ITPR2: variants seen among roughly 807,000 people sequenced by gnomAD.
The protein encoded by ITPR2 is inositol 1,4,5-trisphosphate receptor type 2.
Under a neutral mutation model 317.1 loss-of-function variants are expected in ITPR2, and 207 were observed. The observed-to-expected ratio is 0.65, with a 90% CI of 0.58 to 0.73. The LOEUF (loss-of-function observed/expected upper bound fraction) is 0.73, where lower values mean the gene tolerates loss of function less well. ITPR2 is among the 30% of genes least tolerant of loss of function. ITPR2 has a pLI of 0.00. For missense variants in ITPR2, 2,613 were observed against 3,284.0 expected, an observed-to-expected ratio of 0.80 and a Z score of 4.99; for synonymous variants, 1,156 against 1,149.1, an observed-to-expected ratio of 1.01 and a Z score of -0.12.
chr12:26,547,260 T>C (rs1944410862), intron 37 of ITPR2, among the ~76,000 whole-genome samples: 1 of 152,122 alleles, frequency 6.6e-6, no homozygotes, highest in African/African-American at 2.4e-5. Context: ...TAGATATTTC[T>C]CAAAGGAAGA....
intron 37 of ITPR2, among the ~76,000 whole-genome samples, chr12:26,528,799 T>C (rs1354505144): frequency 6.6e-6 from 1 of 152,242 alleles, no homozygotes; most frequent in Admixed American, 6.5e-5. Context: ...AGTTCTGTAC[T>C]GAACCCATTT....
chr12:26,596,924 C>A lies in ITPR2; in HGVS notation c.4213G>T (p.Asp1405Tyr). The A allele has an allele frequency of 1.3e-6, 2 of 1,586,540 alleles. No homozygotes were observed. Among genetic ancestry groups the A allele is most frequent in the Non-Finnish European group, 1.7e-6 (2 of 1,165,238 alleles). ...IKCNSLLPLD[D>Y]IVRVVTHDDC... ...TCATGGGTCACCACCCTCACTATGT[C>A]GTCCAGCGGGAGAAGGGAATTACAC... is the stretch of plus-strand genomic sequence containing the variant. The change falls in exon 31 of 57, where the codon GAC becomes TAC. Residue 1405 changes from aspartate (D) to tyrosine (Y), a missense_variant. Asp to Tyr is a radical substitution (Grantham distance 160). This residue lies in a region of ITPR2 where 926 missense variants were observed against 1,072.8 expected (regional missense o/e 0.86). Transcript: ENST00000381340.
Position 26,423,501 on chromosome 12 carries a change from A to G in ITPR2, c.6946-4288T>C, listed in dbSNP as rs140805508. ...CAGGTACTATTAGAAAGGAAAAATCATTGTAGGTAAGAAGTTTAAAAGATC... is the reference window on the plus strand; with the variant it reads ...CAGGTACTATTAGAAAGGAAAAATCGTTGTAGGTAAGAAGTTTAAAAGATC... On this transcript the variant is annotated intron_variant, in intron 49 of 56. Transcript: ENST00000381340. 4.3e-4 allele frequency among the ~76,000 whole-genome samples: 65 copies of G among 152,314 alleles called. 1 individual carries two copies. The East Asian group carries it at 0.012, about 28-fold the overall frequency.
chr12:26,557,924 AT>A (rs1944707844), intron 35 of ITPR2, among the ~76,000 whole-genome samples: 1 of 151,978 alleles, frequency 6.6e-6, no homozygotes, highest in Admixed American at 6.6e-5. Flanking sequence ...GCATATTTTT[AT>A]CAAGCAGAAC....
At chr12:26,613,968 A>G (rs1946324585) in intron 26 of ITPR2, among the ~76,000 whole-genome samples, 1 of 152,208 alleles carries the variant, frequency 6.6e-6, no homozygotes, top group Admixed American at 6.5e-5. Flanking sequence ...CAGACCTCAG[A>G]GAAATTCCAC....
chr12:26,655,370 T>G (rs920329372), intron 20 of ITPR2, among the ~76,000 whole-genome samples: 1 of 151,946 alleles, frequency 6.6e-6, no homozygotes, highest in Non-Finnish European at 1.5e-5. Context: ...ATCCCAGCAC[T>G]TTGGGAGGCC....
At chr12:26,383,052 A>C (rs1939556168) in intron 55 of ITPR2, among the ~76,000 whole-genome samples, 1 of 152,058 alleles carries the variant, frequency 6.6e-6, no homozygotes, top group Non-Finnish European at 1.5e-5. Flanking sequence ...ATCTTTTATG[A>C]ATTGTTTGGT....
At chr12:26,420,701 T>C (rs1278047904) in intron 49 of ITPR2, among the ~76,000 whole-genome samples, 3 of 152,152 alleles carry the variant, frequency 2.0e-5, no homozygotes, top group Non-Finnish European at 2.9e-5. Flanking sequence ...TTATTAAGTA[T>C]AGCTGTAGCA....
At chr12:26,525,900 T>C (rs1943798881) in intron 37 of ITPR2, among the ~76,000 whole-genome samples, 1 of 152,216 alleles carries the variant, frequency 6.6e-6, no homozygotes, top group African/African-American at 2.4e-5. Flanking sequence ...TCAGCCACTA[T>C]AATTCAACCC....
chr12:26,802,501 C>G (rs1950572411), intron 1 of ITPR2, among the ~76,000 whole-genome samples: 1 of 148,608 alleles, frequency 6.7e-6, no homozygotes, highest in Non-Finnish European at 1.5e-5. Context: ...ATATACATAT[C>G]CAACTATTTC....
intron 1 of ITPR2, among the ~76,000 whole-genome samples, chr12:26,826,853 C>T (rs1951016053): frequency 6.6e-6 from 1 of 152,174 alleles, no homozygotes; most frequent in African/African-American, 2.4e-5. Flanking sequence ...TTCTACTATC[C>T]CACTATCCCA....
At chr12:26,487,011 C>T (rs1322755785) in intron 40 of ITPR2, 57 bp downstream of exon 40, 31 of 1,416,022 alleles carry the variant, frequency 2.2e-5, no homozygotes, top group African/African-American at 9.9e-5. Flanking sequence ...GAGATTTAAA[C>T]GCTATTCCCC....
At chr12:26,687,580 CT>C (rs1817679006) in intron 10 of ITPR2, among the ~76,000 whole-genome samples, 1 of 152,162 alleles carries the variant, frequency 6.6e-6, no homozygotes, top group Non-Finnish European at 1.5e-5. Flanking sequence ...GATATTACCC[CT>C]GATCATCCCA....
intron 45 of ITPR2, among the ~76,000 whole-genome samples, chr12:26,465,538 G>T (rs1015332193): frequency 6.6e-6 from 1 of 152,212 alleles, no homozygotes; most frequent in East Asian, 1.9e-4. Context: ...TTGCATGCAC[G>T]AATGCTGAGC....
chr12:26,519,818 AAGAG>A (rs1188548339), intron 37 of ITPR2, among the ~76,000 whole-genome samples: 9 of 152,240 alleles, frequency 5.9e-5, no homozygotes, highest in African/African-American at 2.2e-4. Context: ...TTAAAACATA[AAGAG>A]GTTCTCTATG....
At chr12:26,568,018 A>G (rs1945055508) in intron 34 of ITPR2, among the ~76,000 whole-genome samples, 1 of 122,412 alleles carries the variant, frequency 8.2e-6, no homozygotes, top group Non-Finnish European at 1.6e-5. Context: ...ATATATATAT[A>G]TATATATATA....
rs1332077700 is a variant in ITPR2 at position 26,659,288 on chromosome 12, G to T, written c.1714-3C>A. The T allele has an allele frequency of 6.2e-7, 1 of 1,612,228 alleles. No homozygotes were observed. The highest frequency in any genetic ancestry group is 8.5e-7 in the Non-Finnish European group (1 of 1,179,480). ...CAGAAATTCTTAGCAATATATTCCT[G>T]CAAAGAAGAAAGGCTGTCAGAATGC... On this transcript the variant is annotated splice_polypyrimidine_tract_variant and splice_region_variant and intron_variant, in intron 15 of 56. Coordinates refer to ENST00000381340, the MANE Select transcript of ITPR2 (RefSeq NM_002223.4).
chr12:26,757,070 G>A (rs193202533), intron 2 of ITPR2, among the ~76,000 whole-genome samples: 4 of 152,174 alleles, frequency 2.6e-5, no homozygotes, highest in African/African-American at 7.2e-5. Context: ...GCAATGTCAG[G>A]AATTACCCTA....
In ITPR2 at chr12:26,370,560, TC is replaced by T. The variant is rs529200850; in HGVS notation, c.7857+16873del. 2.0e-5 allele frequency among the ~76,000 whole-genome samples: 3 copies of T among 152,284 alleles called. No homozygotes were observed. In the South Asian group the frequency reaches 6.2e-4, roughly 32 times the overall value. ...CTTACCATTTTCTTTTGGGTTATTT[TC>T]CCCCATGCGGAATTTTCACTAAAAT... On this transcript the variant is annotated intron_variant, in intron 55 of 56. Transcript: ENST00000381340.
Sources: gnomAD v4.1 joint callset for allele counts (sites outside exome capture counted in the v4.1 genomes callset) on GRCh38, gnomAD v4.1.1 for gene constraint, gnomAD v4.1.1 regional missense constraint, MANE v1.5 for transcripts, NCBI Gene and HGNC (gene_info 2026-07-23, HGNC 2026-07-21) for gene names.